The following DYNC1I2 variants were observed in gnomAD, a reference collection of about 807,000 sequenced individuals.
The protein encoded by DYNC1I2 is cytoplasmic dynein 1 intermediate chain 2.
DYNC1I2 carries 53 observed loss-of-function variants against 88.6 expected under a neutral mutation model. The ratio of observed to expected loss-of-function variants is 0.60; its 90% CI spans 0.48 to 0.75. DYNC1I2 has a LOEUF of 0.75. DYNC1I2 is among the 30% of genes least tolerant of loss of function. DYNC1I2 has a pLI of 0.00. For synonymous variants in DYNC1I2, 198 were observed against 254.6 expected (o/e 0.78, Z 2.12); for missense variants, 458 against 766.6 (o/e 0.60, Z 4.75).
intron 2 of DYNC1I2, among the ~76,000 whole-genome samples, chr2:171,692,331 C>A (rs1331158273): frequency 6.6e-6 from 1 of 152,136 alleles, no homozygotes; most frequent in African/African-American, 2.4e-5. Flanking sequence ...TACTCTTTTT[C>A]AACAAATCAT....
Position 171,744,042 on chromosome 2 carries a change from C to T in DYNC1I2, c.1537-7C>T. 6.2e-7 allele frequency: 1 copy of T among 1,605,404 alleles called. No homozygotes were observed. Among genetic ancestry groups the T allele is most frequent in the Non-Finnish European group, 8.5e-7 (1 of 1,177,618 alleles). Reference sequence around the variant, plus strand: ...GACTGTGCTAAGAATCAACTTTTCTCTTTCAGAATAACAAGCCTTTGTATT... The same window carrying T: ...GACTGTGCTAAGAATCAACTTTTCTTTTTCAGAATAACAAGCCTTTGTATT... On this transcript the variant is annotated splice_polypyrimidine_tract_variant and splice_region_variant and intron_variant, in intron 15 of 17. Transcript: ENST00000397119.
At chr2:171,703,877 A>G (rs1014781809) in intron 3 of DYNC1I2, among the ~76,000 whole-genome samples, 1 of 152,176 alleles carries the variant, frequency 6.6e-6, no homozygotes, top group Non-Finnish European at 1.5e-5. Flanking sequence ...AGACTTCACA[A>G]CTTTGGGTTC....
intron 13 of DYNC1I2, 63 bp downstream of exon 13, chr2:171,728,481 C>T (rs908111097): frequency 9.8e-7 from 1 of 1,017,222 alleles, no homozygotes; most frequent in African/African-American, 1.6e-5. Flanking sequence ...GTATGTGTAC[C>T]TCAACTTATG....
intron 5 of DYNC1I2, among the ~76,000 whole-genome samples, chr2:171,708,380 A>G (rs1255038906): frequency 6.6e-6 from 1 of 152,216 alleles, no homozygotes; most frequent in Non-Finnish European, 1.5e-5. Flanking sequence ...CAATACTTCA[A>G]TCAGCTCTTG....
intron 3 of DYNC1I2, among the ~76,000 whole-genome samples, chr2:171,704,553 A>G (rs1484000812): frequency 6.6e-6 from 1 of 152,174 alleles, no homozygotes; most frequent in Admixed American, 6.5e-5. Context: ...TACTAAGCAG[A>G]TCATATCTCA....
chr2:171,697,692 A>G (rs1293162819), intron 3 of DYNC1I2, among the ~76,000 whole-genome samples: 1 of 151,716 alleles, frequency 6.6e-6, no homozygotes, highest in Non-Finnish European at 1.5e-5. Flanking sequence ...TACAAAAAAA[A>G]AAAAAGAAAA....
At chr2:171,688,293 G>A (rs2105435584) in intron 1 of DYNC1I2, 1 of 152,284 alleles carries the variant, frequency 6.6e-6, no homozygotes, top group East Asian at 1.9e-4. Context: ...CAAAACTCTA[G>A]AGACTCTCTT....
At chr2:171,747,539 T>C (rs1227764994) in intron 17 of DYNC1I2, among the ~76,000 whole-genome samples, 1 of 152,158 alleles carries the variant, frequency 6.6e-6, no homozygotes, top group Admixed American at 6.5e-5. Flanking sequence ...TATTCTCTCT[T>C]GCATTGGTGG....
rs61079902 is a variant in DYNC1I2, at chr2:171,733,459, C to CTTTTTTTTTTTTTTTTT, written c.1536+3620_1536+3636dup. Among the ~76,000 whole-genome samples, 24 of 55,802 alleles carry CTTTTTTTTTTTTTTTTT rather than the reference C, an allele frequency of 4.3e-4. 4 individuals carry two copies. The highest frequency in any genetic ancestry group is 6.8e-4 in the East Asian group (1 of 1,460). The allele number at this position is 55,802 out of a possible 152,430, so 36.6% of individuals were successfully genotyped here. A position where few individuals can be genotyped will look rare whatever the true frequency, so the allele number is the denominator to read the frequency against. ...TTTTTCTCCACAACCTTGCCAGCAT[C>CTTTTTTTTTTTTTTTTT]TTTTTTTTTTTTTTTTTTTTTTTTT... is the stretch of plus-strand genomic sequence containing the variant. On this transcript the variant is annotated intron_variant, in intron 15 of 17. Transcript: ENST00000397119.
At chr2:171,714,599 C>T (rs1289263742) in intron 6 of DYNC1I2, among the ~76,000 whole-genome samples, 1 of 152,146 alleles carries the variant, frequency 6.6e-6, no homozygotes, top group Non-Finnish European at 1.5e-5. Flanking sequence ...TCATTTTCCT[C>T]AGCCACAGCT....
In DYNC1I2 at chr2:171,747,790, C is replaced by G. The variant is rs1397122010; in HGVS notation, c.1818C>G (p.Pro606=). ...IYDVGEQIAV[P]RNDEWARFGR... is the part of the protein sequence containing the mutation. Reference sequence around the variant, plus strand: ...TCTTTTAACAGCAGATTGCTGTTCCCCGCAATGATGAATGGGCACGGTTTG... The same window carrying G: ...TCTTTTAACAGCAGATTGCTGTTCCGCGCAATGATGAATGGGCACGGTTTG... Residue 606 remains proline (P), a synonymous_variant, in exon 18 of 18, where the codon CCC becomes CCG. Coordinates refer to ENST00000397119, the MANE Select transcript of DYNC1I2 (RefSeq NM_001378.3). 6.2e-7 allele frequency: 1 copy of G among 1,609,976 alleles called. No individual in the cohort carries two copies.
At chr2:171,738,102 C>G (rs1346440544) in intron 15 of DYNC1I2, among the ~76,000 whole-genome samples, 2 of 152,030 alleles carry the variant, frequency 1.3e-5, no homozygotes, top group African/African-American at 4.8e-5. Context: ...GAGGCCGAGG[C>G]AGGCAGATCA....
At chr2:171,718,242 G>A (rs112508811) in intron 7 of DYNC1I2, among the ~76,000 whole-genome samples, 7 of 152,090 alleles carry the variant, frequency 4.6e-5, no homozygotes, top group African/African-American at 1.7e-4. Context: ...ACAGGCATGA[G>A]CCACCACATC....
intron 16 of DYNC1I2, 92 bp downstream of exon 16, chr2:171,744,281 T>A: frequency 7.5e-7 from 1 of 1,330,438 alleles, no homozygotes; most frequent in Non-Finnish European, 1.0e-6. Context: ...CCAAAGAATG[T>A]AAAAGGGTTC....
At position 171,727,933 on chromosome 2, in the gene DYNC1I2, T is replaced by C. The variant is rs1405446640; in HGVS notation, c.1109T>C (p.Val370Ala). The stretch of plus-strand genomic sequence containing the variant: ...AACCGTAGCAATAAAAGAACTCCAG[T>C]GCAAAGAACTCCACTGTCAGCAGCT... ...WDNRSNKRTP[V>A]QRTPLSAAAH... is the part of the protein sequence containing the mutation. Residue 370 changes from valine to alanine, a missense_variant, in exon 12 of 18, where the codon GTG becomes GCG. Val to Ala is a moderately conservative substitution (Grantham distance 64). This residue lies in a region of DYNC1I2 where 203 missense variants were observed against 354.2 expected (regional missense o/e 0.57). Coordinates refer to ENST00000397119, the MANE Select transcript of DYNC1I2 (RefSeq NM_001378.3). 2 of 1,613,214 alleles carry C rather than the reference T, an allele frequency of 1.2e-6. No individual in the cohort carries two copies. The highest frequency in any genetic ancestry group is 1.7e-6 in the Non-Finnish European group (2 of 1,179,450).
chr2:171,692,891 A>G lies in DYNC1I2; in HGVS notation c.223A>G (p.Ile75Val), dbSNP rs1362316646. Residue 75 changes from isoleucine to valine, a missense_variant, in exon 3 of 18, where the codon ATT becomes GTT. By Grantham distance (29) the Ile-to-Val change is conservative. Coordinates refer to ENST00000397119, the MANE Select transcript of DYNC1I2 (RefSeq NM_001378.3). Reference sequence around the variant, plus strand: ...CATGGGGCTAACTCCAGAATCCCCCATTGGTAAGGTTAAGAATATATCCAT... The same window carrying G: ...CATGGGGCTAACTCCAGAATCCCCCGTTGGTAAGGTTAAGAATATATCCAT... ...QSMGLTPESP[I>V]VFSEYWVPPP... 2 of 1,589,834 alleles carry G rather than the reference A, an allele frequency of 1.3e-6. No individual in the cohort carries two copies. The highest frequency in any genetic ancestry group is 1.1e-5 in the South Asian group (1 of 87,198).
intron 7 of DYNC1I2, among the ~76,000 whole-genome samples, chr2:171,722,014 C>T (rs1417496783): frequency 6.6e-6 from 1 of 152,072 alleles, no homozygotes; most frequent in Non-Finnish European, 1.5e-5. Context: ...ATACTCTTAG[C>T]TTATCTTAAA....
Position 171,706,564 on chromosome 2 carries a change from G to C in DYNC1I2, c.244G>C (p.Val82Leu). 1 of 1,611,962 alleles carries C rather than the reference G, an allele frequency of 6.2e-7. No homozygotes were observed. Among genetic ancestry groups the C allele is most frequent in the Non-Finnish European group, 8.5e-7 (1 of 1,178,678 alleles). The change falls in exon 4 of 18, where the codon GTC becomes CTC. Residue 82 changes from valine (V) to leucine (L), a missense_variant and splice_region_variant. Physicochemically the swap from Val to Leu is conservative, Grantham distance 32 (BLOSUM62 1). This residue lies in a region of DYNC1I2 where 55 missense variants were observed against 57.1 expected (regional missense o/e 0.96). Coordinates refer to ENST00000397119, the MANE Select transcript of DYNC1I2 (RefSeq NM_001378.3). The part of the protein sequence containing the change: ...ESPIVFSEYW[V>L]PPPMSPSSKS... ...CACTTCAGTTTTTTCTGAATACTGG[G>C]GTAAGGAAGTTCCCATAAGTCTTGC...
intron 2 of DYNC1I2, among the ~76,000 whole-genome samples, chr2:171,690,595 G>A (rs928392919): frequency 2.7e-5 from 4 of 150,198 alleles, no homozygotes; most frequent in Non-Finnish European, 5.9e-5. Flanking sequence ...TTACAATTTA[G>A]TCTCCTAGGA....
Sources: allele counts gnomAD v4.1 joint callset (sites outside exome capture counted in the v4.1 genomes callset), GRCh38; gene constraint gnomAD v4.1.1; regional missense constraint gnomAD v4.1.1; transcripts MANE v1.5; gene names NCBI Gene and HGNC (gene_info 2026-07-23, HGNC 2026-07-21).